The following FTCD variants were observed in gnomAD, a reference collection of about 807,000 sequenced individuals.
FTCD encodes formimidoyltransferase-cyclodeaminase.
Under a neutral mutation model 62.9 loss-of-function variants are expected in FTCD, and 76 were observed. That is an observed-to-expected ratio of 1.21 (90% CI 1.00 to 1.46). The LOEUF is 1.46. FTCD is among the 40% of genes most tolerant of loss of function. The pLI is 0.00. For synonymous variants in FTCD, 397 were observed against 336.9 expected (o/e 1.18, Z -1.95); for missense variants, 845 against 751.3 (o/e 1.12, Z -1.46).
rs2078890375 is a variant in FTCD, at chr21:46,137,258, T to C, written c.1520A>G (p.Asp507Gly). 6.2e-7 allele frequency: 1 copy of C among 1,613,382 alleles called. No homozygotes were observed. Among genetic ancestry groups the C allele is most frequent in the African/African-American group, 1.3e-5 (1 of 75,044 alleles). The change falls in exon 13 of 14, where the codon GAC becomes GGC. Residue 507 changes from aspartate (D) to glycine (G), a missense_variant. Asp to Gly is a moderately conservative substitution (Grantham distance 94). Transcript: ENST00000397746. ...GCTCACCTGGTCCTTAAATGCCTCG[T>C]CTGTGATGTCCCTCAGGTTGATGAG... ...NVLINLRDITDEAFKDQIHHR... is the reference protein window; with the variant it reads ...NVLINLRDITGEAFKDQIHHR...
Position 46,137,229 on chromosome 21 carries a change from T to C in FTCD, c.1539+10A>G, listed in dbSNP as rs1198309246. Reference sequence around the variant, plus strand: ...GTGGGGTCCGGGCACCACACCTGCCTCCTGCTCACCTGGTCCTTAAATGCC... The same window carrying C: ...GTGGGGTCCGGGCACCACACCTGCCCCCTGCTCACCTGGTCCTTAAATGCC... On this transcript the variant is annotated intron_variant, in intron 13 of 13. Coordinates refer to ENST00000397746, the MANE Select transcript of FTCD (RefSeq NM_206965.2). 2.5e-6 allele frequency: 4 copies of C among 1,605,956 alleles called. No homozygotes were observed. The highest frequency in any genetic ancestry group is 1.3e-5 in the African/African-American group (1 of 74,864).
At chr21:46,137,730 A>G (rs960429799) in intron 12 of FTCD, among the ~76,000 whole-genome samples, 6 of 152,068 alleles carry the variant, frequency 3.9e-5, no homozygotes, top group African/African-American at 1.4e-4. Flanking sequence ...CCAGATGCTG[A>G]AAAGAGGCGT....
chr21:46,145,925 G>T lies in FTCD; in HGVS notation c.991C>A (p.Pro331Thr). Residue 331 changes from proline (P) to threonine (T), a missense_variant, in exon 9 of 14, where the codon CCT becomes ACT. Pro to Thr is a conservative substitution (Grantham distance 38). Transcript: ENST00000397746. ...GACTTGCTGCCCAGGCCTCGCTCAGGCCCGCGCTCAGGGACCAGGTACCTG... is the reference window on the plus strand; with the variant it reads ...GACTTGCTGCCCAGGCCTCGCTCAGTCCCGCGCTCAGGGACCAGGTACCTG... ...IIEYLVPERGPERGLGSKSLR... is the reference protein window; with the variant it reads ...IIEYLVPERGTERGLGSKSLR... The T allele has an allele frequency of 2.7e-6, 4 of 1,504,246 alleles. No individual in the cohort carries two copies. The highest frequency in any genetic ancestry group is 2.6e-6 in the Non-Finnish European group (3 of 1,133,044). 93.2% of individuals were successfully genotyped at this position (1,504,246 alleles called of 1,614,324 possible). A position where few individuals can be genotyped will look rare whatever the true frequency, so the allele number is the denominator to read the frequency against.
chr21:46,139,113 G>C, intron 10 of FTCD, 190 bp from the exon 11 acceptor site: 1 of 630,364 alleles, frequency 1.6e-6, no homozygotes, highest in Admixed American at 2.4e-5. Context: ...AGGGTAGGGG[G>C]GGTCGGGGCA....
chr21:46,136,332 G>T (rs986424826), downstream of FTCD: 2 of 1,029,590 alleles, frequency 1.9e-6, no homozygotes, highest in Non-Finnish European at 2.9e-6. Flanking sequence ...GGGAGCTGAG[G>T]CAGGGAGGAA....
At chr21:46,140,501 A>C (rs1245343481) in intron 10 of FTCD, among the ~76,000 whole-genome samples, 4 of 142,890 alleles carry the variant, frequency 2.8e-5, no homozygotes, top group African/African-American at 2.7e-5. Context: ...ATGTAAATCA[A>C]CCCAGCCCTC....
chr21:46,137,148 C>G (rs1373353762), intron 13 of FTCD, 75 bp from the exon 14 acceptor site: 3 of 1,592,254 alleles, frequency 1.9e-6, no homozygotes, highest in Non-Finnish European at 2.6e-6. Flanking sequence ...ACCTCCGACC[C>G]CCACTGCCCA....
rs757451711 is a variant in FTCD at position 46,137,048 on chromosome 21, A to T, written c.1565T>A (p.Leu522Gln). 1.2e-6 allele frequency: 2 copies of T among 1,613,626 alleles called. No individual in the cohort carries two copies. The highest frequency in any genetic ancestry group is 4.5e-5 in the East Asian group (2 of 44,894). ...TGCAGCCTGGGTCTTGGCTTCCTGC[A>T]GGAGGCTGGAAACACGATGGTGGAT... ...DQIHHRVSSL[L>Q]QEAKTQAALV... is the part of the protein sequence containing the mutation. The change falls in exon 14 of 14, where the codon CTG becomes CAG. Residue 522 changes from leucine to glutamine, a missense_variant. Leu to Gln is a moderately radical substitution (Grantham distance 113, BLOSUM62 -2). Transcript: ENST00000397746.
Position 46,150,115 on chromosome 21 carries a change from C to T in FTCD, c.906+4G>A. The T allele has an allele frequency of 6.2e-7, 1 of 1,610,776 alleles. No homozygotes were observed. The highest frequency in any genetic ancestry group is 1.1e-5 in the South Asian group (1 of 90,582). ...TCCGACCCTTCCTCGGCAGCCCGGC[C>T]CACCAGCCTGATCCGCTGCTCCTCC... On this transcript the variant is annotated splice_donor_region_variant and intron_variant, in intron 7 of 13. Coordinates refer to ENST00000397746, the MANE Select transcript of FTCD (RefSeq NM_206965.2).
intron 8 of FTCD, 142 bp from the exon 9 acceptor site, chr21:46,146,089 G>C (rs2123533246): frequency 1.4e-6 from 1 of 710,836 alleles, no homozygotes; most frequent in Non-Finnish European, 2.3e-6. Context: ...GACCCGGCCG[G>C]GGTCTCTGTG....
At position 46,151,454 on chromosome 21, in the gene FTCD, G is replaced by A. The variant is rs79209913; in HGVS notation, c.636+104C>T. 8.8e-4 allele frequency: 849 copies of A among 966,710 alleles called. 5 individuals carry two copies. In the East Asian group the frequency reaches 0.02, roughly 23 times the overall value. The allele number at this position is 966,710 out of a possible 1,614,324, so 59.9% of individuals were successfully genotyped here. Reference sequence around the variant, plus strand: ...GCAGGTGGGAGGCCGAACCCTGTCCGGCCGGTGCCCCATCCCCACCGACCT... The same window carrying A: ...GCAGGTGGGAGGCCGAACCCTGTCCAGCCGGTGCCCCATCCCCACCGACCT... On this transcript the variant is annotated intron_variant, in intron 5 of 13. Coordinates refer to ENST00000397746, the MANE Select transcript of FTCD (RefSeq NM_206965.2).
intron 7 of FTCD, among the ~76,000 whole-genome samples, chr21:46,149,054 AATATAATATGATT>A (rs1327104826): frequency 6.6e-6 from 1 of 152,256 alleles, no homozygotes; most frequent in Non-Finnish European, 1.5e-5. Flanking sequence ...TCCGGAAAAA[AATATAATATGATT>A]ATACACAAAT....
chr21:46,137,589 C>T (rs187555311), intron 12 of FTCD, among the ~76,000 whole-genome samples: 207 of 149,076 alleles, frequency 1.4e-3, no homozygotes, highest in African/African-American at 4.4e-3. Context: ...CTCTCCGCCA[C>T]TCTAGGAACC....
At chr21:46,149,218 G>T (rs1367466184) in intron 7 of FTCD, among the ~76,000 whole-genome samples, 2 of 152,158 alleles carry the variant, frequency 1.3e-5, no homozygotes, top group Admixed American at 6.5e-5. Context: ...AACAGACAAG[G>T]CCACAAACGC....
intron 10 of FTCD, among the ~76,000 whole-genome samples, chr21:46,142,932 TCC>T (rs1201476320): frequency 2.0e-5 from 3 of 152,068 alleles, no homozygotes; most frequent in African/African-American, 4.8e-5. Flanking sequence ...TTCTCCAAGT[TCC>T]CACCCCAGTA....
Position 46,145,960 on chromosome 21 carries a change from C to T in FTCD, c.969-13G>A. On this transcript the variant is annotated splice_polypyrimidine_tract_variant and intron_variant, in intron 8 of 13. Transcript: ENST00000397746. ...AGGGACCAGGTACCTGCAGGGTGGG[C>T]GCGGCTCAGCGGGTCTGGCCGGGGT... 1 of 1,453,704 alleles carries T rather than the reference C, an allele frequency of 6.9e-7. No individual in the cohort carries two copies. The highest frequency in any genetic ancestry group is 9.1e-7 in the Non-Finnish European group (1 of 1,093,816). 90.1% of individuals were successfully genotyped at this position (1,453,704 alleles called of 1,614,324 possible).
chr21:46,138,344 A>AT (rs2078916260), intron 12 of FTCD, among the ~76,000 whole-genome samples, 164 bp downstream of exon 12: 2 of 152,076 alleles, frequency 1.3e-5, no homozygotes, highest in African/African-American at 2.4e-5. Flanking sequence ...GGCAGCGGAC[A>AT]CCCCGGCCCT....
rs768207177 is a variant in FTCD, at chr21:46,137,278, G to A, written c.1500C>T (p.Ile500=). Residue 500 remains isoleucine (I), a synonymous_variant, in exon 13 of 14, where the codon ATC becomes ATT. Transcript: ENST00000397746. Reference sequence around the variant, plus strand: ...CCTCGTCTGTGATGTCCCTCAGGTTGATGAGCACGTTGAAATATGCGCCAA... The same window carrying A: ...CCTCGTCTGTGATGTCCCTCAGGTTAATGAGCACGTTGAAATATGCGCCAA... ...GVFGAYFNVL[I]NLRDITDEAF... The A allele has an allele frequency of 5.0e-6, 8 of 1,613,750 alleles. No homozygotes were observed. In the East Asian group the frequency reaches 1.6e-4, roughly 31 times the overall value.
rs563910338 is a variant in FTCD, at chr21:46,137,668, C to T, written c.1444-334G>A. 6.6e-5 allele frequency among the ~76,000 whole-genome samples: 10 copies of T among 152,318 alleles called. No individual in the cohort carries two copies. In the South Asian group the frequency reaches 1.2e-3, roughly 19 times the overall value. On this transcript the variant is annotated intron_variant, in intron 12 of 13. Coordinates refer to ENST00000397746, the MANE Select transcript of FTCD (RefSeq NM_206965.2). ...CGGAGGCAGCTTCAGGCTAACGGCC[C>T]GCCCACTGCCCAGGGACACTTCCCA...
Sources: gnomAD v4.1 joint callset for allele counts (sites outside exome capture counted in the v4.1 genomes callset) on GRCh38, gnomAD v4.1.1 for gene constraint, MANE v1.5 for transcripts, NCBI Gene and HGNC (gene_info 2026-07-23, HGNC 2026-07-21) for gene names.